Variants in DIP2C observed in about 807,000 individuals in gnomAD.
The protein encoded by DIP2C is disco-interacting protein 2 homolog C.
Under a neutral mutation model 192.4 loss-of-function variants are expected in DIP2C, and 33 were observed. That is an observed-to-expected ratio of 0.17 (90% CI 0.13 to 0.23). The LOEUF (loss-of-function observed/expected upper bound fraction) is 0.23. Ranked by LOEUF, DIP2C falls within the 10% of genes least tolerant of loss-of-function variation. DIP2C has a pLI of 1.00. For missense variants in DIP2C, 1,537 were observed against 2,110.1 expected (o/e 0.73, Z 5.32); for synonymous variants, 979 against 864.1 (o/e 1.13, Z -2.33).
chr10:601,660 C>G (rs894340953), intron 1 of DIP2C, among the ~76,000 whole-genome samples: 4 of 152,254 alleles, frequency 2.6e-5, no homozygotes, highest in Non-Finnish European at 4.4e-5. Flanking sequence ...GTAAGCAGAA[C>G]TGCACCACGA....
chr10:586,540 C>T (rs1384683836), intron 1 of DIP2C, among the ~76,000 whole-genome samples: 1 of 152,174 alleles, frequency 6.6e-6, no homozygotes, highest in Non-Finnish European at 1.5e-5. Context: ...CGGCCTCCTC[C>T]GGGAGGCTGT....
rs755481247 is a variant in DIP2C, at chr10:348,734, A to C, written c.3138T>G (p.Gly1046=). 1 of 1,613,758 alleles carries C rather than the reference A, an allele frequency of 6.2e-7. No individual in the cohort carries two copies. Residue 1046 remains glycine (G), a synonymous_variant, in exon 26 of 37, where the codon GGT becomes GGG. Transcript: ENST00000280886. ...PGIDLIAAFY[G]CLYAGCVPIT... Reference sequence around the variant, plus strand: ...TTGGCACACAGCCTGCGTACAGGCAACCATAAAACGCTGCTATCAGGTCTA... The same window carrying C: ...TTGGCACACAGCCTGCGTACAGGCACCCATAAAACGCTGCTATCAGGTCTA...
rs571084944 is a variant in DIP2C, at chr10:579,004, CGT to C, written c.86-92476_86-92475del. ...GTGTACATATGTAGGTACACTATAACGTGTATGTGGTAGAGCGTACATACATC... is the reference window on the plus strand; with the variant it reads ...GTGTACATATGTAGGTACACTATAACGTATGTGGTAGAGCGTACATACATC... On this transcript the variant is annotated intron_variant, in intron 1 of 36. Coordinates refer to ENST00000280886, the MANE Select transcript of DIP2C (RefSeq NM_014974.3). Among the ~76,000 whole-genome samples, 148 of 151,994 alleles carry C rather than the reference CGT, an allele frequency of 9.7e-4. 1 individual carries two copies. Among genetic ancestry groups the C allele is most frequent in the Non-Finnish European group, 1.7e-3 (114 of 67,990 alleles).
At chr10:647,532 G>T (rs1369274451) in intron 1 of DIP2C, among the ~76,000 whole-genome samples, 2 of 144,092 alleles carry the variant, frequency 1.4e-5, no homozygotes, top group East Asian at 2.2e-4. Flanking sequence ...CGTCCACATT[G>T]GATGGTGGGA....
chr10:478,989 C>T (rs957042052), intron 2 of DIP2C, among the ~76,000 whole-genome samples: 1 of 152,192 alleles, frequency 6.6e-6, no homozygotes, highest in Non-Finnish European at 1.5e-5. Flanking sequence ...CTGGGCTCCA[C>T]AGAGGCCTCC....
intron 3 of DIP2C, among the ~76,000 whole-genome samples, chr10:450,347 T>A (rs937541868): frequency 2.0e-5 from 3 of 152,256 alleles, no homozygotes; most frequent in African/African-American, 7.2e-5. Flanking sequence ...TGTCAGGATC[T>A]GGCACCTTGA....
chr10:490,249 C>T (rs1054051620), intron 1 of DIP2C, among the ~76,000 whole-genome samples: 29 of 152,216 alleles, frequency 1.9e-4, no homozygotes, highest in Non-Finnish European at 3.8e-4. Context: ...GCTGAATGAT[C>T]AATTAATTCC....
At chr10:310,863 G>A (rs1378801025) in intron 31 of DIP2C, among the ~76,000 whole-genome samples, 2 of 152,154 alleles carry the variant, frequency 1.3e-5, no homozygotes, top group Non-Finnish European at 2.9e-5. Context: ...GGGGAAGGCA[G>A]TACAATACCT....
chr10:369,771 A>G, intron 17 of DIP2C, 138 bp from the exon 18 acceptor site: 1 of 1,453,220 alleles, frequency 6.9e-7, no homozygotes. Flanking sequence ...CTGGCTGCCC[A>G]TGTGGCTGCA....
intron 1 of DIP2C, among the ~76,000 whole-genome samples, chr10:544,905 A>G (rs1177286633): frequency 1.3e-5 from 2 of 152,084 alleles, no homozygotes; most frequent in African/African-American, 4.8e-5. Flanking sequence ...GAACATTTTT[A>G]ATTTTGATAC....
At chr10:407,785 TTGG>T (rs1964913093) in intron 9 of DIP2C, among the ~76,000 whole-genome samples, 1 of 152,228 alleles carries the variant, frequency 6.6e-6, no homozygotes, top group African/African-American at 2.4e-5. Context: ...GTTGCTTTTT[TTGG>T]TGGTGGTGAC....
chr10:285,074 T>C (rs773206653), intron 34 of DIP2C, among the ~76,000 whole-genome samples: 2 of 144,924 alleles, frequency 1.4e-5, no homozygotes, highest in Non-Finnish European at 3.0e-5. Flanking sequence ...AGGAAACTCC[T>C]AAGTGAGAGC....
At position 399,141 on chromosome 10, in the gene DIP2C, G is replaced by A; in HGVS notation, c.1228C>T (p.Pro410Ser). 1.2e-6 allele frequency: 2 copies of A among 1,613,890 alleles called. No homozygotes were observed. The highest frequency in any genetic ancestry group is 1.7e-6 in the Non-Finnish European group (2 of 1,180,020). ...FYGCLLAEVVPVPIEVPLTRK... is the reference protein window; with the variant it reads ...FYGCLLAEVVSVPIEVPLTRK... ...GTGAGCGGCACCTCGATGGGCACGG[G>A]GACCACCTCGGCCAGCAGGCAGCCG... The change falls in exon 10 of 37, where the codon CCC (proline) becomes TCC (serine). Residue 410 changes from proline to serine, a missense_variant. Pro to Ser is a moderately conservative substitution (Grantham distance 74). Transcript: ENST00000280886.
Position 472,503 on chromosome 10 carries a change from A to C in DIP2C, c.204T>G (p.Pro68=), listed in dbSNP as rs759827106. 9 of 1,614,090 alleles carry C rather than the reference A, an allele frequency of 5.6e-6. No individual in the cohort carries two copies. The highest frequency in any genetic ancestry group is 2.7e-5 in the African/African-American group (2 of 74,934). ...GGCGGTGGTAGCGAGAGGCGGAGGA[A>C]GGAGTGACAGGAGCCCGGCGTTCTT... ...LPQERRAPVT[P]SSASRYHRRR... The change falls in exon 3 of 37, where the codon CCT becomes CCG. Residue 68 remains proline (P), a synonymous_variant. Transcript: ENST00000280886.
chr10:686,128 G>A (rs1314239794), intron 1 of DIP2C, among the ~76,000 whole-genome samples: 2 of 152,164 alleles, frequency 1.3e-5, no homozygotes, highest in Non-Finnish European at 2.9e-5. Flanking sequence ...AAAAATGTAG[G>A]GAAGAGAAGG....
chr10:364,273 C>T, intron 20 of DIP2C, 101 bp downstream of exon 20: 1 of 1,358,732 alleles, frequency 7.4e-7, no homozygotes, highest in Non-Finnish European at 1.0e-6. Flanking sequence ...AACGGAGACA[C>T]AATACATTTA....
chr10:654,081 G>A (rs551015655), intron 1 of DIP2C, among the ~76,000 whole-genome samples: 3 of 152,312 alleles, frequency 2.0e-5, no homozygotes, highest in Admixed American at 6.5e-5. Flanking sequence ...TGACCCCACA[G>A]CAGATGCACG....
At chr10:279,492 C>A (rs1954699489) in intron 36 of DIP2C, among the ~76,000 whole-genome samples, 1 of 152,212 alleles carries the variant, frequency 6.6e-6, no homozygotes, top group African/African-American at 2.4e-5. Flanking sequence ...AGAGCTTTTA[C>A]AGGAGCTGTG....
At chr10:357,685 G>A (rs1959150468) in intron 23 of DIP2C, 143 bp downstream of exon 23, 1 of 593,152 alleles carries the variant, frequency 1.7e-6, no homozygotes, top group African/African-American at 1.9e-5. Context: ...GACTGTCGGG[G>A]ACGGTTGCGG....
Sources: allele counts gnomAD v4.1 joint callset (sites outside exome capture counted in the v4.1 genomes callset), GRCh38; gene constraint gnomAD v4.1.1; transcripts MANE v1.5; gene names NCBI Gene and HGNC (gene_info 2026-07-23, HGNC 2026-07-21).